Variants in ATP6V0C observed in about 807,000 individuals in gnomAD.
ATP6V0C encodes V-type proton ATPase 16 kDa proteolipid subunit c.
In ATP6V0C, 2 loss-of-function variants were observed where a neutral mutation model predicts 10.6. The ratio of observed to expected loss-of-function variants is 0.19; its 90% CI spans 0.08 to 0.59. The LOEUF is 0.59. Ranked by LOEUF, ATP6V0C falls within the 20% of genes least tolerant of loss-of-function variation. The pLI is 0.90. For missense variants in ATP6V0C, 89 were observed against 225.9 expected (o/e 0.39, Z 3.88); for synonymous variants, 128 against 101.3 (o/e 1.26, Z -1.59).
chr16:2,519,807 A>G lies in ATP6V0C; in HGVS notation c.*62A>G. The stretch of plus-strand genomic sequence containing the variant: ...AAAGACCACCCCTCCTCATTCCAGA[A>G]CGAACAGCCTGACACATACGCACGG... On this transcript the variant is annotated 3_prime_UTR_variant, in exon 3 of 3. Transcript: ENST00000330398. 1 of 1,574,150 alleles carries G rather than the reference A, an allele frequency of 6.4e-7. No individual in the cohort carries two copies. Among genetic ancestry groups the G allele is most frequent in the African/African-American group, 1.4e-5 (1 of 73,824 alleles).
intron 1 of ATP6V0C, 84 bp downstream of exon 1, chr16:2,514,266 G>A: frequency 1.4e-6 from 2 of 1,407,658 alleles, no homozygotes; most frequent in East Asian, 2.9e-5. Context: ...GGTGTGTGAC[G>A]TCACTCTGAC....
intron 1 of ATP6V0C, among the ~76,000 whole-genome samples, chr16:2,516,369 C>T (rs1242743549): frequency 2.0e-5 from 3 of 152,154 alleles, no homozygotes; most frequent in Non-Finnish European, 2.9e-5. Context: ...GCTTCTGCCT[C>T]GTAAAGGGCT....
chr16:2,515,904 C>T (rs1032356121), intron 1 of ATP6V0C, among the ~76,000 whole-genome samples: 2 of 151,462 alleles, frequency 1.3e-5, no homozygotes, highest in African/African-American at 2.4e-5. Context: ...CTGCACCCAG[C>T]TCCTTTCCTC....
intron 1 of ATP6V0C, chr16:2,516,649 T>C (rs2044799665): frequency 6.6e-6 from 1 of 152,458 alleles, no homozygotes; most frequent in Admixed American, 6.5e-5. Context: ...TTCCCCTTTT[T>C]TTTCTCATGA....
At chr16:2,518,472 G>A (rs928772705) in intron 1 of ATP6V0C, among the ~76,000 whole-genome samples, 4 of 152,190 alleles carry the variant, frequency 2.6e-5, no homozygotes, top group Non-Finnish European at 5.9e-5. Flanking sequence ...GGTCAGCTGA[G>A]GCCTCGTAGT....
chr16:2,515,520 C>T (rs988716848), intron 1 of ATP6V0C, among the ~76,000 whole-genome samples: 1 of 152,152 alleles, frequency 6.6e-6, no homozygotes, highest in Non-Finnish European at 1.5e-5. Flanking sequence ...GAGCCCTGGC[C>T]TTCCCGTCGT....
rs2065898905 is a variant in ATP6V0C, at chr16:2,519,706, C to T, written c.429C>T (p.Leu143=). ...TCATCTTCGCCGAGGTGCTCGGCCTCTACGGTCTCATCGTCGCCCTCATCC... is the reference window on the plus strand; with the variant it reads ...TCATCTTCGCCGAGGTGCTCGGCCTTTACGGTCTCATCGTCGCCCTCATCC... The part of the protein sequence containing the change: ...LILIFAEVLG[L]YGLIVALILS... The change falls in exon 3 of 3, where the codon CTC becomes CTT. Residue 143 remains leucine, a synonymous_variant. Transcript: ENST00000330398. The T allele has an allele frequency of 1.9e-6, 3 of 1,611,084 alleles. No homozygotes were observed. The highest frequency in any genetic ancestry group is 2.5e-6 in the Non-Finnish European group (3 of 1,177,686).
chr16:2,516,644 C>CT (rs1422204783), intron 1 of ATP6V0C: 1 of 152,490 alleles, frequency 6.6e-6, no homozygotes, highest in Non-Finnish European at 1.5e-5. Context: ...CCAGCTTCCC[C>CT]TTTTTTTTCT....
In ATP6V0C at chr16:2,514,115, C is replaced by A. The variant is rs558602394; in HGVS notation, c.12C>A (p.Ser4=). MSE[S]KSGPEYASFF... is the part of the protein sequence containing the mutation. Reference sequence around the variant, plus strand: ...CCCCACCCGCAGACATGTCCGAGTCCAAGAGCGGCCCCGAGTATGCTTCGT... The same window carrying A: ...CCCCACCCGCAGACATGTCCGAGTCAAAGAGCGGCCCCGAGTATGCTTCGT... Residue 4 remains serine (S), a synonymous_variant, in exon 1 of 3, where the codon TCC becomes TCA. Coordinates refer to ENST00000330398, the MANE Select transcript of ATP6V0C (RefSeq NM_001694.4). 4 of 1,583,902 alleles carry A rather than the reference C, an allele frequency of 2.5e-6. No homozygotes were observed. Among genetic ancestry groups the A allele is most frequent in the Non-Finnish European group, 2.6e-6 (3 of 1,166,398 alleles).
chr16:2,519,154 C>G, intron 1 of ATP6V0C, 64 bp from the exon 2 acceptor site: 1 of 1,496,760 alleles, frequency 6.7e-7, no homozygotes, highest in African/African-American at 1.4e-5. Context: ...AAAGCTACAC[C>G]TCGGGGTCCT....
At chr16:2,514,252 G>T in intron 1 of ATP6V0C, 70 bp downstream of exon 1, 1 of 1,452,122 alleles carries the variant, frequency 6.9e-7, no homozygotes, top group Non-Finnish European at 9.2e-7. Context: ...GCTCGCCGGG[G>T]TCCGGTGTGT....
chr16:2,519,095 G>C, intron 1 of ATP6V0C, 123 bp from the exon 2 acceptor site: 1 of 1,189,032 alleles, frequency 8.4e-7, no homozygotes. Context: ...TGCCTTCTTC[G>C]GCTCCCCCTC....
rs777289890 is a variant in ATP6V0C at position 2,519,749 on chromosome 16, C to G, written c.*4C>G. 2.5e-6 allele frequency: 4 copies of G among 1,590,180 alleles called. No individual in the cohort carries two copies. The highest frequency in any genetic ancestry group is 1.7e-4 in the Middle Eastern group (1 of 5,980). On this transcript the variant is annotated 3_prime_UTR_variant, in exon 3 of 3. Transcript: ENST00000330398. ...CCTCATCCTCTCCACAAAGTAGACC[C>G]TCTCCGAGCCCACCAGCCACAGAAT... is the stretch of plus-strand genomic sequence containing the variant.
At chr16:2,514,233 A>G (rs1319032406) in intron 1 of ATP6V0C, 51 bp downstream of exon 1, 1 of 1,489,870 alleles carries the variant, frequency 6.7e-7, no homozygotes. Flanking sequence ...CGCGTTGCTC[A>G]TGCCCGCAGC....
rs2065901435 is a variant in ATP6V0C at position 2,519,919 on chromosome 16, C to G, written c.*174C>G. On this transcript the variant is annotated 3_prime_UTR_variant, in exon 3 of 3. Coordinates refer to ENST00000330398, the MANE Select transcript of ATP6V0C (RefSeq NM_001694.4). ...TCCCCGGCCTTGCCCCCGCCCGCCC[C>G]GTGCCGTGGACATCTGGGCCCACTC... 1.1e-6 allele frequency: 1 copy of G among 951,928 alleles called. No homozygotes were observed. Among genetic ancestry groups the G allele is most frequent in the African/African-American group, 1.6e-5 (1 of 61,474 alleles). The allele number at this position is 951,928 out of a possible 1,614,324, so 59.0% of individuals were successfully genotyped here. A position where few individuals can be genotyped will look rare whatever the true frequency, so the allele number is the denominator to read the frequency against.
rs370823612 is a variant in ATP6V0C, at chr16:2,519,691, C to T, written c.414C>T (p.Ala138=). The change falls in exon 3 of 3, where the codon GCC becomes GCT. Residue 138 remains alanine (A), a synonymous_variant. Transcript: ENST00000330398. ...FVGMILILIF[A]EVLGLYGLIV... is the part of the protein sequence containing the mutation. ...GCATGATCCTGATTCTCATCTTCGCCGAGGTGCTCGGCCTCTACGGTCTCA... is the reference window on the plus strand; with the variant it reads ...GCATGATCCTGATTCTCATCTTCGCTGAGGTGCTCGGCCTCTACGGTCTCA... 17 of 1,611,884 alleles carry T rather than the reference C, an allele frequency of 1.1e-5. No individual in the cohort carries two copies. Among genetic ancestry groups the T allele is most frequent in the East Asian group, 2.2e-5 (1 of 44,802 alleles).
At position 2,520,075 on chromosome 16, in the gene ATP6V0C, G is replaced by A; in HGVS notation, c.*330G>A. On this transcript the variant is annotated 3_prime_UTR_variant, in exon 3 of 3. Transcript: ENST00000330398. Reference sequence around the variant, plus strand: ...GGCCTGTTCCTGCGTCTGCGGAGCGGCCCTTGTCTCCCAGCTATCTATAAC... The same window carrying A: ...GGCCTGTTCCTGCGTCTGCGGAGCGACCCTTGTCTCCCAGCTATCTATAAC... 1 of 619,736 alleles carries A rather than the reference G, an allele frequency of 1.6e-6. No homozygotes were observed. Among genetic ancestry groups the A allele is most frequent in the Admixed American group, 2.1e-5 (1 of 47,250 alleles). 38.4% of individuals were successfully genotyped at this position (619,736 alleles called of 1,614,324 possible). A position where few individuals can be genotyped will look rare whatever the true frequency, so the allele number is the denominator to read the frequency against.
At chr16:2,519,478 C>T (rs914979555) in intron 2 of ATP6V0C, 63 bp from the exon 3 acceptor site, 30 of 1,551,856 alleles carry the variant, frequency 1.9e-5, no homozygotes, top group Non-Finnish European at 2.5e-5. Flanking sequence ...GGGTGGTGAC[C>T]CGGACCCTTG....
rs1255059601 is a variant in ATP6V0C at position 2,519,309 on chromosome 16, C to T, written c.171C>T (p.Ile57=). 1.9e-6 allele frequency: 3 copies of T among 1,614,082 alleles called. No homozygotes were observed. The highest frequency in any genetic ancestry group is 2.7e-5 in the African/African-American group (2 of 74,936). The change falls in exon 2 of 3, where the codon ATC becomes ATT. Residue 57 remains isoleucine, a synonymous_variant. Transcript: ENST00000330398. ...MRPEQIMKSI[I]PVVMAGIIAI... Reference sequence around the variant, plus strand: ...CGGAGCAGATCATGAAGTCCATCATCCCAGTGGTCATGGCTGGCATCATCG... The same window carrying T: ...CGGAGCAGATCATGAAGTCCATCATTCCAGTGGTCATGGCTGGCATCATCG...
Sources: gnomAD v4.1 joint callset for allele counts (sites outside exome capture counted in the v4.1 genomes callset) on GRCh38, gnomAD v4.1.1 for gene constraint, MANE v1.5 for transcripts, NCBI Gene and HGNC (gene_info 2026-07-23, HGNC 2026-07-21) for gene names.